ZNF573: variants seen among roughly 807,000 people sequenced by gnomAD.
ZNF573 encodes zinc finger protein 573.
Under a neutral mutation model 57.4 loss-of-function variants are expected in ZNF573, and 41 were observed. That is an observed-to-expected ratio of 0.71 (90% CI 0.56 to 0.93). The LOEUF (loss-of-function observed/expected upper bound fraction) is 0.93, where lower values mean the gene tolerates loss of function less well. ZNF573 is among the 40% of genes least tolerant of loss of function. The pLI is 0.00. For missense variants in ZNF573, 730 were observed against 794.8 expected (o/e 0.92, Z 0.98); for synonymous variants, 249 against 261.0 (o/e 0.95, Z 0.44).
At position 37,739,081 on chromosome 19, in the gene ZNF573, A is replaced by C. The variant is rs746496935; in HGVS notation, c.1409T>G (p.Phe470Cys). The change falls in exon 5 of 5, where the codon TTT becomes TGT. Residue 470 changes from phenylalanine (F) to cysteine (C), a missense_variant. By Grantham distance (205) the Phe-to-Cys change is radical. Coordinates refer to ENST00000536220, the MANE Select transcript of ZNF573 (RefSeq NM_001172690.2). ...HQNIHTGKKL[F>C]ECQECGKAYS... is the part of the protein sequence containing the mutation. Reference sequence around the variant, plus strand: ...GGCCTTCCCACATTCCTGACATTCAAAAAGTTTCTTACCAGTGTGAATATT... The same window carrying C: ...GGCCTTCCCACATTCCTGACATTCACAAAGTTTCTTACCAGTGTGAATATT... 6.2e-7 allele frequency: 1 copy of C among 1,611,904 alleles called. No individual in the cohort carries two copies. The highest frequency in any genetic ancestry group is 8.5e-7 in the Non-Finnish European group (1 of 1,179,314).
chr19:37,743,883 C>T (rs2045351660), intron 4 of ZNF573, among the ~76,000 whole-genome samples: 1 of 152,122 alleles, frequency 6.6e-6, no homozygotes, highest in South Asian at 2.1e-4. Flanking sequence ...CAAACTAACA[C>T]AGGAACAGAA....
At chr19:37,750,793 T>C (rs2045426641) in intron 4 of ZNF573, among the ~76,000 whole-genome samples, 1 of 148,608 alleles carries the variant, frequency 6.7e-6, no homozygotes, top group East Asian at 2.0e-4. Flanking sequence ...ATCACACTAC[T>C]GTACTCCAAC....
chr19:37,775,231 T>TG (rs1375259035), intron 1 of ZNF573, among the ~76,000 whole-genome samples: 1 of 152,110 alleles, frequency 6.6e-6, no homozygotes, highest in East Asian at 1.9e-4. Context: ...TTACCTAGGC[T>TG]GGTCTCAAAC....
intron 4 of ZNF573, among the ~76,000 whole-genome samples, chr19:37,743,319 CAAAA>C (rs74174484): frequency 1.0e-5 from 1 of 100,008 alleles, no homozygotes; most frequent in Admixed American, 1.1e-4. Flanking sequence ...GAATCCATCT[CAAAA>C]AAAAAAAAAA....
At chr19:37,754,132 A>C (rs1275468923) in intron 4 of ZNF573, among the ~76,000 whole-genome samples, 1 of 152,196 alleles carries the variant, frequency 6.6e-6, no homozygotes, top group African/African-American at 2.4e-5. Flanking sequence ...TCATGTAAAA[A>C]TGCTGATTTG....
chr19:37,770,832 T>TTTTA (rs1555745090), intron 3 of ZNF573, among the ~76,000 whole-genome samples: 1 of 93,750 alleles, frequency 1.1e-5, no homozygotes, highest in Non-Finnish European at 1.8e-5. Context: ...TTAAGTTATT[T>TTTTA]TATATATATA....
chr19:37,778,063 G>T (rs995920890), intron 1 of ZNF573, among the ~76,000 whole-genome samples: 1 of 150,952 alleles, frequency 6.6e-6, no homozygotes, highest in Non-Finnish European at 1.5e-5. Context: ...TTAAGAGGTG[G>T]TCTCTTGAAG....
chr19:37,748,174 C>G (rs541932740), intron 4 of ZNF573, among the ~76,000 whole-genome samples: 3 of 152,232 alleles, frequency 2.0e-5, no homozygotes, highest in African/African-American at 4.8e-5. Context: ...TGTGGTACCC[C>G]TAACTGGATG....
Position 37,739,021 on chromosome 19 carries a change from T to C in ZNF573, c.1469A>G (p.Lys490Arg). 1 of 1,612,966 alleles carries C rather than the reference T, an allele frequency of 6.2e-7. No individual in the cohort carries two copies. Among genetic ancestry groups the C allele is most frequent in the Non-Finnish European group, 8.5e-7 (1 of 1,179,606 alleles). The change falls in exon 5 of 5, where the codon AAA becomes AGA. Residue 490 changes from lysine to arginine, a missense_variant. Transcript: ENST00000536220. ...STGSNLIQHR[K>R]THTGEKPYKC... Reference sequence around the variant, plus strand: ...ATAGGGTTTCTCACCAGTATGAGTTTTCCGATGTTGAATAAGGTTTGAGCC... The same window carrying C: ...ATAGGGTTTCTCACCAGTATGAGTTCTCCGATGTTGAATAAGGTTTGAGCC...
Position 37,739,608 on chromosome 19 carries a change from C to G in ZNF573, c.882G>C (p.Gln294His). ...TGTATGGCTTCTCATCAGTATGAAA[C>G]TGCCCATGTTCAACAAGATTTGAGC... ...SRRSNLVEHG[Q>H]FHTDEKPYIC... is the part of the protein sequence containing the mutation. Residue 294 changes from glutamine (Q) to histidine (H), a missense_variant, in exon 5 of 5, where the codon CAG (glutamine) becomes CAC (histidine). Transcript: ENST00000536220. 6.2e-7 allele frequency: 1 copy of G among 1,613,898 alleles called. No individual in the cohort carries two copies. The highest frequency in any genetic ancestry group is 1.3e-5 in the African/African-American group (1 of 74,946).
At chr19:37,740,799 C>T (rs1008239006) in intron 4 of ZNF573, 7 of 311,706 alleles carry the variant, frequency 2.2e-5, no homozygotes, top group Non-Finnish European at 3.8e-5. Context: ...CAGATACCGA[C>T]GCCTTAAGTC....
In ZNF573 at chr19:37,738,375, A is replaced by T. The variant is rs2045281045; in HGVS notation, c.*117T>A. On this transcript the variant is annotated 3_prime_UTR_variant, in exon 5 of 5. Transcript: ENST00000536220. The stretch of plus-strand genomic sequence containing the variant: ...ATTGAATGCTTTCTAATGTGGCAAG[A>T]TCTGCATTTTGAACTCTCTCAATTG... The T allele has an allele frequency of 8.9e-7, 1 of 1,126,080 alleles. No individual in the cohort carries two copies. Among genetic ancestry groups the T allele is most frequent in the African/African-American group, 1.6e-5 (1 of 63,896 alleles). The allele number at this position is 1,126,080 out of a possible 1,614,324, so 69.8% of individuals were successfully genotyped here.
intron 4 of ZNF573, among the ~76,000 whole-genome samples, chr19:37,758,205 ATATATATATATATATATAT>A (rs1568420263): frequency 0.019 from 699 of 36,068 alleles, 93 homozygotes; most frequent in East Asian, 0.047. Context: ...ATAATAAAAT[ATATATATATATATATATAT>A]ATATATATAT....
intron 4 of ZNF573, among the ~76,000 whole-genome samples, chr19:37,744,824 T>C (rs940329151): frequency 2.6e-5 from 4 of 151,310 alleles, no homozygotes; most frequent in South Asian, 2.1e-4. Context: ...CTCTGTCTCC[T>C]AGGTTGGAGT....
intron 4 of ZNF573, among the ~76,000 whole-genome samples, chr19:37,752,453 A>G (rs1031748724): frequency 6.6e-6 from 1 of 152,216 alleles, no homozygotes; most frequent in African/African-American, 2.4e-5. Flanking sequence ...ACCTCCTATT[A>G]TATGGATGAA....
Position 37,738,735 on chromosome 19 carries a change from T to C in ZNF573, c.1755A>G (p.Lys585=). 6.2e-7 allele frequency: 1 copy of C among 1,613,710 alleles called. No individual in the cohort carries two copies. The highest frequency in any genetic ancestry group is 8.5e-7 in the Non-Finnish European group (1 of 1,179,916). ...IHADKKPYEC[K]ECGKAFKMYG... is the part of the protein sequence containing the mutation. ...ACATTTTAAAGGCCTTTCCACATTC[T>C]TTACATTCATAGGGTTTTTTATCAG... The change falls in exon 5 of 5, where the codon AAA becomes AAG. Residue 585 remains lysine, a synonymous_variant. Transcript: ENST00000536220.
intron 4 of ZNF573, chr19:37,758,390 C>T (rs1311281483): frequency 1.3e-5 from 2 of 148,702 alleles, no homozygotes; most frequent in East Asian, 2.0e-4. Context: ...CACCTGAGGT[C>T]AGGTGTTCCA....
At chr19:37,765,665 G>A (rs1269879373) in intron 4 of ZNF573, among the ~76,000 whole-genome samples, 3 of 150,722 alleles carry the variant, frequency 2.0e-5, no homozygotes, top group Non-Finnish European at 3.0e-5. Flanking sequence ...AGCTGAGATT[G>A]TGCCATTGCA....
At chr19:37,759,509 C>T (rs1422115313) in intron 4 of ZNF573, among the ~76,000 whole-genome samples, 1 of 152,066 alleles carries the variant, frequency 6.6e-6, no homozygotes, top group African/African-American at 2.4e-5. Flanking sequence ...AGGTGGATCA[C>T]GAGGTCAGGA....
Sources: allele counts gnomAD v4.1 joint callset (sites outside exome capture counted in the v4.1 genomes callset), GRCh38; gene constraint gnomAD v4.1.1; transcripts MANE v1.5; gene names NCBI Gene and HGNC (gene_info 2026-07-23, HGNC 2026-07-21).